Variants in DENND5B observed in about 807,000 individuals in gnomAD.
DENND5B encodes DENN domain-containing protein 5B.
In DENND5B, 34 loss-of-function variants were observed where a neutral mutation model predicts 140.6. That is an observed-to-expected ratio of 0.24 (90% CI 0.18 to 0.32). The LOEUF is 0.32. DENND5B is among the 10% of genes least tolerant of loss of function. DENND5B has a pLI of 1.00. For missense variants in DENND5B, 1,142 were observed against 1,560.2 expected (o/e 0.73, Z 4.52); for synonymous variants, 551 against 562.1 (o/e 0.98, Z 0.28).
intron 1 of DENND5B, among the ~76,000 whole-genome samples, chr12:31,586,413 T>C (rs562101091): frequency 2.6e-5 from 4 of 152,352 alleles, no homozygotes; most frequent in African/African-American, 9.6e-5. Context: ...TTCGATGTGG[T>C]ACAGAAAGGA....
chr12:31,450,013 G>A (rs533437270), intron 5 of DENND5B, among the ~76,000 whole-genome samples: 60 of 152,210 alleles, frequency 3.9e-4, no homozygotes, highest in Non-Finnish European at 7.3e-4. Flanking sequence ...TTACAGGCGT[G>A]AGCCACTGTG....
At chr12:31,409,590 T>C (rs145599707) in intron 13 of DENND5B, among the ~76,000 whole-genome samples, 2 of 151,550 alleles carry the variant, frequency 1.3e-5, no homozygotes, top group African/African-American at 4.8e-5. Context: ...GTGATTCTCC[T>C]GCCTCAGCCT....
chr12:31,426,512 TG>T (rs1943242900), intron 8 of DENND5B, 88 bp from the exon 9 acceptor site: 3 of 1,447,594 alleles, frequency 2.1e-6, no homozygotes, highest in African/African-American at 2.9e-5. Context: ...CAGAGACAAA[TG>T]AAATGCAAAA....
At chr12:31,556,586 C>T (rs1205740177) in intron 1 of DENND5B, among the ~76,000 whole-genome samples, 2 of 152,160 alleles carry the variant, frequency 1.3e-5, no homozygotes, top group Non-Finnish European at 2.9e-5. Flanking sequence ...AAGAAAACTA[C>T]TGTTTGCTAG....
chr12:31,384,454 C>T lies in DENND5B; in HGVS notation c.*3149G>A, dbSNP rs531596460. On this transcript the variant is annotated 3_prime_UTR_variant, in exon 21 of 21. Coordinates refer to ENST00000389082, the MANE Select transcript of DENND5B (RefSeq NM_144973.4). ...ATTTATTCTTAAAGGCCAAGATTGA[C>T]TGCCATTGGGAATATTCAAAAGAAT... 63 of 152,324 alleles carry T rather than the reference C, an allele frequency of 4.1e-4. No homozygotes were observed. The highest frequency in any genetic ancestry group is 1.4e-3 in the African/African-American group (60 of 41,562). The allele number at this position is 152,324 out of a possible 1,614,324, so 9.4% of individuals were successfully genotyped here. A position where few individuals can be genotyped will look rare whatever the true frequency, so the allele number is the denominator to read the frequency against.
At chr12:31,446,832 A>G (rs1944295690) in intron 6 of DENND5B, among the ~76,000 whole-genome samples, 1 of 151,360 alleles carries the variant, frequency 6.6e-6, no homozygotes, top group Non-Finnish European at 1.5e-5. Context: ...GCTTGCAGTG[A>G]GCCAAGATGG....
At chr12:31,420,692 C>T (rs1232256437) in intron 11 of DENND5B, among the ~76,000 whole-genome samples, 1 of 152,068 alleles carries the variant, frequency 6.6e-6, no homozygotes, top group African/African-American at 2.4e-5. Context: ...AATTTGTCCT[C>T]CTTGAGCTCC....
At chr12:31,397,575 G>GAAAAA in intron 17 of DENND5B, among the ~76,000 whole-genome samples, 1 of 34,558 alleles carries the variant, frequency 2.9e-5, no homozygotes, top group Admixed American at 3.0e-4. Context: ...AAAAAAAAAG[G>GAAAAA]CTAGATATGG....
chr12:31,532,006 C>G lies in DENND5B; in HGVS notation c.128-36087G>C, dbSNP rs535646583. ...AAATATAATAGAAAATAAAAAAATA[C>G]ACCAGGGGACAAAAAATAACAAATG... On this transcript the variant is annotated intron_variant, in intron 1 of 20. Coordinates refer to ENST00000389082, the MANE Select transcript of DENND5B (RefSeq NM_144973.4). Among the ~76,000 whole-genome samples, 15 of 152,284 alleles carry G rather than the reference C, an allele frequency of 9.9e-5. No homozygotes were observed. In the East Asian group the frequency reaches 2.5e-3, roughly 25 times the overall value.
intron 13 of DENND5B, among the ~76,000 whole-genome samples, chr12:31,410,479 C>T (rs958647286): frequency 2.0e-5 from 3 of 152,150 alleles, no homozygotes; most frequent in South Asian, 4.1e-4. Flanking sequence ...AGTAACAGCT[C>T]GCTGCAGCCT....
At chr12:31,545,370 A>T (rs1948821232) in intron 1 of DENND5B, among the ~76,000 whole-genome samples, 1 of 152,068 alleles carries the variant, frequency 6.6e-6, no homozygotes, top group Admixed American at 6.6e-5. Context: ...CCCGTTTTTC[A>T]ACCATTCCCC....
chr12:31,408,655 T>A (rs1477454862), intron 14 of DENND5B, among the ~76,000 whole-genome samples: 4 of 144,562 alleles, frequency 2.8e-5, no homozygotes, highest in East Asian at 2.1e-4. Context: ...AAAAAAATTC[T>A]CCAATCAGCA....
chr12:31,418,914 C>T (rs1942894281), intron 11 of DENND5B, among the ~76,000 whole-genome samples: 1 of 152,186 alleles, frequency 6.6e-6, no homozygotes, highest in Non-Finnish European at 1.5e-5. Flanking sequence ...GCTGGAATTA[C>T]ATGTGCGAGC....
chr12:31,422,186 G>A lies in DENND5B; in HGVS notation c.2470+1411C>T, dbSNP rs185890558. ...TGTAATCCCAGCACTTTGGGAGGCC[G>A]AGGCGGGTGGATCACGAGGTTAGGA... is the stretch of plus-strand genomic sequence containing the variant. On this transcript the variant is annotated intron_variant, in intron 11 of 20. Coordinates refer to ENST00000389082, the MANE Select transcript of DENND5B (RefSeq NM_144973.4). 1.7e-4 allele frequency among the ~76,000 whole-genome samples: 26 copies of A among 151,662 alleles called. No individual in the cohort carries two copies. In the East Asian group the frequency reaches 4.7e-3, roughly 27 times the overall value.
At chr12:31,528,288 A>C (rs1245517686) in intron 1 of DENND5B, among the ~76,000 whole-genome samples, 1 of 151,992 alleles carries the variant, frequency 6.6e-6, no homozygotes, top group East Asian at 1.9e-4. Flanking sequence ...CAGCTGCATC[A>C]CTCCAAACTC....
intron 7 of DENND5B, among the ~76,000 whole-genome samples, chr12:31,437,884 C>T (rs1943849313): frequency 6.6e-6 from 1 of 152,226 alleles, no homozygotes; most frequent in Non-Finnish European, 1.5e-5. Context: ...TCCTGCTCCC[C>T]CAACCTTGCT....
chr12:31,426,553 C>T, intron 8 of DENND5B, 129 bp from the exon 9 acceptor site: 1 of 1,061,488 alleles, frequency 9.4e-7, no homozygotes. Flanking sequence ...CATATAACAA[C>T]AATTAATGTT....
intron 15 of DENND5B, among the ~76,000 whole-genome samples, chr12:31,400,999 T>C (rs527462453): frequency 9.9e-5 from 15 of 152,036 alleles, no homozygotes; most frequent in Non-Finnish European, 2.1e-4. Flanking sequence ...TGTGCCACCA[T>C]GCCCGGCTAA....
chr12:31,418,579 C>T (rs1942877467), intron 11 of DENND5B, among the ~76,000 whole-genome samples: 1 of 151,914 alleles, frequency 6.6e-6, no homozygotes. Flanking sequence ...TAGGCATGAG[C>T]CATCACACCC....
Sources: allele counts gnomAD v4.1 joint callset (sites outside exome capture counted in the v4.1 genomes callset), GRCh38; gene constraint gnomAD v4.1.1; transcripts MANE v1.5; gene names NCBI Gene and HGNC (gene_info 2026-07-23, HGNC 2026-07-21).